The following PKD1 variants were observed in gnomAD, a reference collection of about 807,000 sequenced individuals.
PKD1 encodes polycystin-1.
In PKD1, 81 loss-of-function variants were observed where a neutral mutation model predicts 361.7. That is an observed-to-expected ratio of 0.22 (90% confidence interval 0.19 to 0.27). PKD1 has a LOEUF of 0.27. Ranked by LOEUF, PKD1 falls within the 10% of genes least tolerant of loss-of-function variation. The pLI is 1.00. For missense variants in PKD1, 6,399 were observed against 6,118.3 expected (o/e 1.05, Z -1.53); for synonymous variants, 3,615 against 2,818.3 (o/e 1.28, Z -8.95).
chr16:2,092,823 C>G, intron 38 of PKD1, 131 bp downstream of exon 38: 1 of 1,153,052 alleles, frequency 8.7e-7, no homozygotes, highest in African/African-American at 1.5e-5. Context: ...CCTACTGATG[C>G]CAGCAGCACC....
In PKD1 at chr16:2,118,752, C is replaced by G. The variant is rs1220939260; in HGVS notation, c.453G>C (p.Glu151Asp). The change falls in exon 4 of 46, where the codon GAG becomes GAC. Residue 151 changes from glutamate (E) to aspartate (D), a missense_variant. Transcript: ENST00000262304. The surrounding 1 kb of genome is among the most constrained non-coding windows in gnomAD (Gnocchi z 6.0). ...AGCCAGGCCCAGCACACGTGGCTGC[C>G]TCGGGCTGCACCACCCGCACCTGCT... ...EEQQVRVVQP[E>D]AATCAGPGSL... The G allele has an allele frequency of 4.1e-6, 6 of 1,450,782 alleles. No homozygotes were observed. Among genetic ancestry groups the G allele is most frequent in the African/African-American group, 2.8e-5 (2 of 72,144 alleles). 89.9% of individuals were successfully genotyped at this position (1,450,782 alleles called of 1,614,324 possible). A position where few individuals can be genotyped will look rare whatever the true frequency, so the allele number is the denominator to read the frequency against.
At chr16:2,096,378 C>T (rs111784906) in intron 34 of PKD1, among the ~76,000 whole-genome samples, 2 of 152,374 alleles carry the variant, frequency 1.3e-5, no homozygotes, top group African/African-American at 4.8e-5. Context: ...TGGCAGAGCC[C>T]GGGGTCACAC....
chr16:2,100,571 G>C lies in PKD1; in HGVS notation c.9398-5C>G. 2 of 1,609,100 alleles carry C rather than the reference G, an allele frequency of 1.2e-6. No individual in the cohort carries two copies. On this transcript the variant is annotated splice_region_variant and splice_polypyrimidine_tract_variant and intron_variant, in intron 26 of 45. Coordinates refer to ENST00000262304, the MANE Select transcript of PKD1 (RefSeq NM_001009944.3). The surrounding 1 kb of genome is among the most constrained non-coding windows in gnomAD (Gnocchi z 4.4). ...TGCCCACGTGGGCCGTGGTACCTGG[G>C]AGGCAAGAGGGAGGGGTGGGAGGCT...
At position 2,103,907 on chromosome 16, in the gene PKD1, C is replaced by G. The variant is rs375993328; in HGVS notation, c.8162-12G>C. On this transcript the variant is annotated splice_polypyrimidine_tract_variant and intron_variant, in intron 22 of 45. Coordinates refer to ENST00000262304, the MANE Select transcript of PKD1 (RefSeq NM_001009944.3). ...GTGGATGAGGTCTCCTGCAGACATG[C>G]GTGAGGTCAGTGCAGAGACAGGGAG... 6 of 1,305,298 alleles carry G rather than the reference C, an allele frequency of 4.6e-6. No homozygotes were observed. The highest frequency in any genetic ancestry group is 1.2e-5 in the South Asian group (1 of 84,026). The allele number at this position is 1,305,298 out of a possible 1,614,324, so 80.9% of individuals were successfully genotyped here.
At position 2,111,774 on chromosome 16, in the gene PKD1, C is replaced by G. The variant is rs1596563431; in HGVS notation, c.3393G>C (p.Val1131=). 6.2e-7 allele frequency: 1 copy of G among 1,607,562 alleles called. No homozygotes were observed. The highest frequency in any genetic ancestry group is 8.5e-7 in the Non-Finnish European group (1 of 1,178,424). ...SVRASLPSVA[V]GVSDGVLVAG... ...CCACCAGGACGCCGTCACTCACACC[C>G]ACAGCCACGGAGGGCAGGGAGGCGC... The change falls in exon 15 of 46, where the codon GTG becomes GTC. Residue 1131 remains valine (V), a synonymous_variant. Coordinates refer to ENST00000262304, the MANE Select transcript of PKD1 (RefSeq NM_001009944.3).
chr16:2,105,812 G>T, intron 20 of PKD1, 53 bp downstream of exon 20: 1 of 1,552,378 alleles, frequency 6.4e-7, no homozygotes, highest in Non-Finnish European at 8.8e-7. Context: ...TACAGGTCTT[G>T]GTCCCAAGCA....
In PKD1 at chr16:2,109,788, G is replaced by A. The variant is rs757408419; in HGVS notation, c.5379C>T (p.Thr1793=). Residue 1793 remains threonine, a synonymous_variant, in exon 15 of 46, where the codon ACC becomes ACT. Coordinates refer to ENST00000262304, the MANE Select transcript of PKD1 (RefSeq NM_001009944.3). The stretch of plus-strand genomic sequence containing the variant: ...CAGGCACCTGCACATCCACTTCCAC[G>A]GTGGCGTTGGCTGAGCCCAGCGGGT... ...AGNPLGSANA[T]VEVDVQVPVS... 26 of 1,609,642 alleles carry A rather than the reference G, an allele frequency of 1.6e-5. No homozygotes were observed. Among genetic ancestry groups the A allele is most frequent in the Admixed American group, 3.3e-5 (2 of 59,924 alleles).
At chr16:2,121,246 T>C (rs1468157594) in intron 1 of PKD1, among the ~76,000 whole-genome samples, 3 of 151,588 alleles carry the variant, frequency 2.0e-5, no homozygotes, top group Admixed American at 2.0e-4. Flanking sequence ...GCACCTGTAA[T>C]TCCAGCTACT....
In PKD1 at chr16:2,089,078, T is replaced by C; in HGVS notation, c.*649A>G. 1 of 178,784 alleles carries C rather than the reference T, an allele frequency of 5.6e-6. No homozygotes were observed. Among genetic ancestry groups the C allele is most frequent in the Non-Finnish European group, 1.2e-5 (1 of 83,674 alleles). 11.1% of individuals were successfully genotyped at this position (178,784 alleles called of 1,614,324 possible). A position where few individuals can be genotyped will look rare whatever the true frequency, so the allele number is the denominator to read the frequency against. ...GAGGATGACAAGGCCTCTGGGGTGATGAGAGTGCCTGGCAGACAGCTGTGC... is the reference window on the plus strand; with the variant it reads ...GAGGATGACAAGGCCTCTGGGGTGACGAGAGTGCCTGGCAGACAGCTGTGC... On this transcript the variant is annotated 3_prime_UTR_variant, in exon 46 of 46. Coordinates refer to ENST00000262304, the MANE Select transcript of PKD1 (RefSeq NM_001009944.3).
Position 2,089,549 on chromosome 16 carries a change from G to A in PKD1, c.*178C>T, listed in dbSNP as rs1263532381. On this transcript the variant is annotated 3_prime_UTR_variant, in exon 46 of 46. Transcript: ENST00000262304. ...GCTGGGGAGGGGACCCTGGGTCCTG[G>A]TTGGCCACACAGCCTCTTTAAAGTG... 2.7e-6 allele frequency: 2 copies of A among 733,894 alleles called. No individual in the cohort carries two copies. Among genetic ancestry groups the A allele is most frequent in the East Asian group, 2.7e-5 (1 of 36,724 alleles). 45.5% of individuals were successfully genotyped at this position (733,894 alleles called of 1,614,324 possible). A position where few individuals can be genotyped will look rare whatever the true frequency, so the allele number is the denominator to read the frequency against.
chr16:2,108,378 G>C lies in PKD1; in HGVS notation c.6789C>G (p.Gly2263=). ...PERLVPIIEG[G]SYRVWSDTRD... ...GTGTGTCTGACCACACGCGGTATGA[G>C]CCACCCTCAATGATGGGCACCAGGC... Residue 2263 remains glycine (G), a synonymous_variant, in exon 15 of 46, where the codon GGC becomes GGG. Coordinates refer to ENST00000262304, the MANE Select transcript of PKD1 (RefSeq NM_001009944.3). 1.9e-6 allele frequency: 3 copies of C among 1,610,584 alleles called. No individual in the cohort carries two copies. Among genetic ancestry groups the C allele is most frequent in the Non-Finnish European group, 2.5e-6 (3 of 1,179,750 alleles).
Position 2,103,324 on chromosome 16 carries a change from C to T in PKD1, c.8733G>A (p.Leu2911=), listed in dbSNP as rs767385639. 1.7e-5 allele frequency: 28 copies of T among 1,607,470 alleles called. No homozygotes were observed. In the Middle Eastern group the frequency reaches 6.7e-4, roughly 39 times the overall value. The change falls in exon 23 of 46, where the codon CTG becomes CTA. Residue 2911 remains leucine, a synonymous_variant. Transcript: ENST00000262304. ...PQASVGAVVT[L]DSSNPAAGLH... ...GCCCGGCCGCAGGGTTGCTGCTGTC[C>T]AGGGTGACCACAGCACCGACGGAGG...
At chr16:2,093,485 G>C in intron 37 of PKD1, 59 bp downstream of exon 37, 1 of 1,469,084 alleles carries the variant, frequency 6.8e-7, no homozygotes, top group Non-Finnish European at 9.3e-7. Context: ...GCGTGCATGG[G>C]TGGGAGGTGG....
rs1596467501 is a variant in PKD1 at position 2,088,913 on chromosome 16, A to C, written c.*814T>G. 9 of 369,406 alleles carry C rather than the reference A, an allele frequency of 2.4e-5. No homozygotes were observed. The highest frequency in any genetic ancestry group is 4.4e-5 in the Admixed American group (1 of 22,926). The allele number at this position is 369,406 out of a possible 1,614,324, so 22.9% of individuals were successfully genotyped here. Reference sequence around the variant, plus strand: ...CACACACACACAGTCACCTTCCTCCACCCTGGGAGCCAGCCCCCAGGAGGA... The same window carrying C: ...CACACACACACAGTCACCTTCCTCCCCCCTGGGAGCCAGCCCCCAGGAGGA... On this transcript the variant is annotated 3_prime_UTR_variant, in exon 46 of 46. Coordinates refer to ENST00000262304, the MANE Select transcript of PKD1 (RefSeq NM_001009944.3).
intron 16 of PKD1, chr16:2,107,149 G>C: frequency 3.1e-6 from 2 of 648,010 alleles, no homozygotes; most frequent in Non-Finnish European, 5.6e-6. Context: ...CAGGGCAGAG[G>C]ACACTGGAGT....
chr16:2,116,856 T>C lies in PKD1; in HGVS notation c.1583A>G (p.Tyr528Cys), dbSNP rs750798165. ...NTDLCSAPHS[Y>C]VCELQPGGPV... ...ACCTCCGGGCTGCAGCTCGCAGACG[T>C]AGCTGTGCGGCGCTGAGCACAGGTC... Residue 528 changes from tyrosine (Y) to cysteine (C), a missense_variant, in exon 7 of 46, where the codon TAC becomes TGC. Coordinates refer to ENST00000262304, the MANE Select transcript of PKD1 (RefSeq NM_001009944.3). The C allele has an allele frequency of 6.5e-7, 1 of 1,529,868 alleles. No individual in the cohort carries two copies. The highest frequency in any genetic ancestry group is 8.8e-7 in the Non-Finnish European group (1 of 1,142,026). The allele number at this position is 1,529,868 out of a possible 1,614,324, so 94.8% of individuals were successfully genotyped here.
intron 1 of PKD1, among the ~76,000 whole-genome samples, chr16:2,124,249 T>C (rs1000173053): frequency 1.3e-5 from 2 of 152,216 alleles, no homozygotes; most frequent in Non-Finnish European, 2.9e-5. Flanking sequence ...CCGAGGTAGC[T>C]GACACGTGTC....
At chr16:2,105,292 G>C in intron 21 of PKD1, 30 bp downstream of exon 21, 1 of 1,592,032 alleles carries the variant, frequency 6.3e-7, no homozygotes, top group Non-Finnish European at 8.5e-7. Context: ...CAGGCATGCG[G>C]GGCAGGGTGA....
intron 30 of PKD1, chr16:2,099,415 C>T (rs1475640990): frequency 7.1e-5 from 44 of 621,144 alleles, no homozygotes; most frequent in Non-Finnish European, 4.7e-5. Flanking sequence ...TCGTCCGTGG[C>T]GTCTGCTTAG....
Sources: allele counts gnomAD v4.1 joint callset (sites outside exome capture counted in the v4.1 genomes callset), GRCh38; gene constraint gnomAD v4.1.1; non-coding constraint Gnocchi (gnomAD v3.1); transcripts MANE v1.5; gene names NCBI Gene and HGNC (gene_info 2026-07-23, HGNC 2026-07-21).